The following SPOCK3 variants were observed in gnomAD, a reference collection of about 807,000 sequenced individuals.
The protein encoded by SPOCK3 is SPARC (osteonectin), cwcv and kazal like domains proteoglycan 3, also known as testican-3.
In SPOCK3, 30 loss-of-function variants were observed where a neutral mutation model predicts 56.6. That is an observed-to-expected ratio of 0.53 (90% CI 0.40 to 0.72). SPOCK3 has a LOEUF of 0.72. SPOCK3 is among the 30% of genes least tolerant of loss of function. The pLI is 0.00. For synonymous variants in SPOCK3, 196 were observed against 183.3 expected (o/e 1.07, Z -0.56); for missense variants, 527 against 530.0 (o/e 0.99, Z 0.06).
rs1448117247 is a variant in SPOCK3, at chr4:166,762,158, A to G, written c.710-7429T>C. Among the ~76,000 whole-genome samples the G allele has an allele frequency of 2.0e-5, 3 of 152,136 alleles. No homozygotes were observed. The East Asian group carries it at 5.8e-4, about 29-fold the overall frequency. On this transcript the variant is annotated intron_variant, in intron 7 of 10. Coordinates refer to ENST00000357545, the MANE Select transcript of SPOCK3 (RefSeq NM_001040159.2). ...AATCAAAACAGAGTTATCTCACTCA[A>G]ACAAACAGTAAACATGAATTCCTTA...
chr4:167,221,739 A>C lies in SPOCK3; in HGVS notation c.189+12246T>G, dbSNP rs576645445. ...CTAATCATTAGGGCAATGCAAATCAAAACCACAATATCAACTCACATCCAT... is the reference window on the plus strand; with the variant it reads ...CTAATCATTAGGGCAATGCAAATCACAACCACAATATCAACTCACATCCAT... On this transcript the variant is annotated intron_variant, in intron 2 of 10. Transcript: ENST00000357545. Among the ~76,000 whole-genome samples, 4 of 152,266 alleles carry C rather than the reference A, an allele frequency of 2.6e-5. No homozygotes were observed. In the East Asian group the frequency reaches 5.8e-4, roughly 22 times the overall value.
At chr4:166,906,739 T>C (rs1736662775) in intron 5 of SPOCK3, among the ~76,000 whole-genome samples, 1 of 152,008 alleles carries the variant, frequency 6.6e-6, no homozygotes, top group Non-Finnish European at 1.5e-5. Flanking sequence ...AAAAGCCACA[T>C]ATTTTTATTT....
chr4:166,811,741 A>G (rs1046240883), intron 6 of SPOCK3, among the ~76,000 whole-genome samples: 2 of 151,918 alleles, frequency 1.3e-5, no homozygotes, highest in East Asian at 1.9e-4. Context: ...TTTGCAATAC[A>G]GTATACTTAT....
At chr4:166,844,287 G>A (rs1033720119) in intron 6 of SPOCK3, among the ~76,000 whole-genome samples, 1 of 152,140 alleles carries the variant, frequency 6.6e-6, no homozygotes, top group Non-Finnish European at 1.5e-5. Flanking sequence ...GGTATGATAT[G>A]CCTACCTTAG....
chr4:167,040,986 C>G (rs1041150270), intron 3 of SPOCK3, among the ~76,000 whole-genome samples: 1 of 152,110 alleles, frequency 6.6e-6, no homozygotes, highest in African/African-American at 2.4e-5. Context: ...AGGTCTCACT[C>G]GAAGGTGTAA....
At chr4:166,749,819 TA>T (rs1284970830) in intron 8 of SPOCK3, among the ~76,000 whole-genome samples, 3 of 152,114 alleles carry the variant, frequency 2.0e-5, no homozygotes, top group Non-Finnish European at 4.4e-5. Flanking sequence ...TATAGTTTTT[TA>T]TACAGACATT....
chr4:166,913,137 C>G (rs963072956), intron 4 of SPOCK3, among the ~76,000 whole-genome samples: 10 of 152,238 alleles, frequency 6.6e-5, no homozygotes, highest in African/African-American at 2.4e-4. Context: ...AAGATGACAT[C>G]TAATCCACTG....
intron 6 of SPOCK3, among the ~76,000 whole-genome samples, chr4:166,856,455 GTTAT>G (rs1456915993): frequency 2.0e-5 from 3 of 152,042 alleles, no homozygotes; most frequent in Admixed American, 1.3e-4. Context: ...ATATGTAATT[GTTAT>G]TTGTCATTTA....
At chr4:166,915,351 T>C (rs1486045858) in intron 4 of SPOCK3, among the ~76,000 whole-genome samples, 2 of 152,292 alleles carry the variant, frequency 1.3e-5, no homozygotes, top group East Asian at 1.9e-4. Flanking sequence ...TTATGATTCA[T>C]AATGTGTTTG....
At chr4:166,837,525 A>G (rs1192781444) in intron 6 of SPOCK3, among the ~76,000 whole-genome samples, 5 of 152,156 alleles carry the variant, frequency 3.3e-5, no homozygotes, top group Non-Finnish European at 5.9e-5. Flanking sequence ...AAGCATCAAT[A>G]GATTGCACTG....
intron 6 of SPOCK3, among the ~76,000 whole-genome samples, chr4:166,856,796 C>CTAGA (rs1178526006): frequency 4.1e-5 from 6 of 147,904 alleles, no homozygotes; most frequent in African/African-American, 1.2e-4. Flanking sequence ...ATCTATCTAT[C>CTAGA]TATCTATCTA....
At chr4:167,130,176 A>G (rs1240379685) in intron 2 of SPOCK3, among the ~76,000 whole-genome samples, 2 of 151,984 alleles carry the variant, frequency 1.3e-5, no homozygotes, top group Non-Finnish European at 2.9e-5. Context: ...ATGTTGCCCA[A>G]CCTGGTCTCA....
At chr4:166,813,351 T>C (rs1744039536) in intron 6 of SPOCK3, among the ~76,000 whole-genome samples, 1 of 151,582 alleles carries the variant, frequency 6.6e-6, no homozygotes, top group Non-Finnish European at 1.5e-5. Context: ...AAGTTAGAAA[T>C]GAAAACTCAA....
intron 2 of SPOCK3, among the ~76,000 whole-genome samples, chr4:167,216,572 C>T (rs372245796): frequency 2.6e-4 from 39 of 151,936 alleles, no homozygotes; most frequent in African/African-American, 9.4e-4. Flanking sequence ...TGATTGGGAA[C>T]GCTGAGGAGG....
intron 2 of SPOCK3, among the ~76,000 whole-genome samples, chr4:167,071,905 G>A (rs1430134366): frequency 6.6e-6 from 1 of 151,998 alleles, no homozygotes; most frequent in African/African-American, 2.4e-5. Flanking sequence ...ACTTTTTAAT[G>A]ATCGCCATTC....
At chr4:166,894,283 A>T (rs1735113733) in intron 5 of SPOCK3, among the ~76,000 whole-genome samples, 1 of 152,084 alleles carries the variant, frequency 6.6e-6, no homozygotes, top group Non-Finnish European at 1.5e-5. Context: ...CAGGGAAAAA[A>T]AATCTTGTGC....
rs4576035 is a variant in SPOCK3 at position 166,935,303 on chromosome 4, A to G, written c.351-22560T>C. ...AAGGGCAGGCTTGCTCCCACTTACA[A>G]TAAAAGTGGCAAAACTCCAAGCTCG... On this transcript the variant is annotated intron_variant, in intron 4 of 10. Transcript: ENST00000357545. Among the ~76,000 whole-genome samples the G allele has an allele frequency of 1.4e-3, 211 of 152,258 alleles. 1 individual carries two copies. The highest frequency in any genetic ancestry group is 4.5e-3 in the African/African-American group (185 of 41,560).
At chr4:167,111,001 A>G (rs1760854842) in intron 2 of SPOCK3, among the ~76,000 whole-genome samples, 1 of 152,002 alleles carries the variant, frequency 6.6e-6, no homozygotes, top group South Asian at 2.1e-4. Flanking sequence ...AATATATTTT[A>G]TTTGATAATA....
chr4:167,099,309 T>C (rs1033665932), intron 2 of SPOCK3, among the ~76,000 whole-genome samples: 1 of 152,008 alleles, frequency 6.6e-6, no homozygotes, highest in Non-Finnish European at 1.5e-5. Context: ...GAATTAAATA[T>C]AGCAGATCTA....
Sources: allele counts gnomAD v4.1 joint callset (sites outside exome capture counted in the v4.1 genomes callset), GRCh38; gene constraint gnomAD v4.1.1; transcripts MANE v1.5; gene names NCBI Gene and HGNC (gene_info 2026-07-23, HGNC 2026-07-21).